Variants in HMCN1 observed in about 807,000 individuals in gnomAD.
HMCN1 encodes hemicentin 1, also known as hemicentin-1.
In HMCN1, 321 loss-of-function variants were observed where a neutral mutation model predicts 625.9. The ratio of observed to expected loss-of-function variants is 0.51; its 90% confidence interval spans 0.47 to 0.56. HMCN1 has a LOEUF of 0.56. HMCN1 is among the 20% of genes least tolerant of loss of function. HMCN1 has a pLI of 0.00. For synonymous variants in HMCN1, 2,425 were observed against 2,417.6 expected, an observed-to-expected ratio of 1.00 and a Z score of -0.09; for missense variants, 6,588 against 6,887.3, an observed-to-expected ratio of 0.96 and a Z score of 1.54.
At chr1:185,953,171 C>G (rs1420881733) in intron 11 of HMCN1, among the ~76,000 whole-genome samples, 1 of 150,958 alleles carries the variant, frequency 6.6e-6, no homozygotes, top group South Asian at 2.1e-4. Flanking sequence ...GCCCCTCCCC[C>G]CAGAAAAGCA....
At chr1:186,034,778 G>A (rs942120072) in intron 36 of HMCN1, among the ~76,000 whole-genome samples, 1 of 152,086 alleles carries the variant, frequency 6.6e-6, no homozygotes, top group Non-Finnish European at 1.5e-5. Context: ...TTGGATTTTT[G>A]CAAGTCTTTG....
In HMCN1 at chr1:186,125,726, C is replaced by A; in HGVS notation, c.12622C>A (p.Leu4208Ile). ...AATTAACTGGAAAAAAGACAATGTT[C>A]TTTTAGCTAACTTGTTAGGAAAATA... ...PAINWKKDNV[L>I]LANLLGKYTA... Residue 4208 changes from leucine to isoleucine, a missense_variant, in exon 82 of 107, where the codon CTT becomes ATT. Around this residue, in one of 3 missense-constraint regions of HMCN1, gnomAD observed 1,954 missense variants for 2,013.1 expected, o/e 0.97. Coordinates refer to ENST00000271588, the MANE Select transcript of HMCN1 (RefSeq NM_031935.3). 6.2e-7 allele frequency: 1 copy of A among 1,613,302 alleles called. No individual in the cohort carries two copies. The highest frequency in any genetic ancestry group is 8.5e-7 in the Non-Finnish European group (1 of 1,179,414).
At chr1:185,913,377 T>C (rs1295663325) in intron 6 of HMCN1, among the ~76,000 whole-genome samples, 1 of 152,190 alleles carries the variant, frequency 6.6e-6, no homozygotes, top group Non-Finnish European at 1.5e-5. Context: ...TTTTATGTAA[T>C]GGTTATTTTG....
chr1:186,085,212 G>A (rs1659398299), intron 57 of HMCN1, among the ~76,000 whole-genome samples: 1 of 152,108 alleles, frequency 6.6e-6, no homozygotes, highest in Non-Finnish European at 1.5e-5. Context: ...AAAATATCAA[G>A]TGGCCACTGT....
At chr1:186,094,187 A>G (rs1660001440) in intron 66 of HMCN1, 89 bp from the exon 67 acceptor site, 2 of 1,018,052 alleles carry the variant, frequency 2.0e-6, no homozygotes, top group African/African-American at 3.2e-5. Context: ...ATAAATCACC[A>G]CCTATAGCCT....
chr1:185,851,029 AC>A (rs1202561379), intron 2 of HMCN1, among the ~76,000 whole-genome samples: 2 of 152,148 alleles, frequency 1.3e-5, no homozygotes, highest in Non-Finnish European at 2.9e-5. Context: ...TTAACACTAA[AC>A]TAAAGGATAT....
chr1:186,068,039 A>T lies in HMCN1; in HGVS notation c.7879+32A>T, dbSNP rs772832906. On this transcript the variant is annotated intron_variant, in intron 50 of 106. Coordinates refer to ENST00000271588, the MANE Select transcript of HMCN1 (RefSeq NM_031935.3). ...CATTTGCTTCAGATGTCCAAGATGC[A>T]TCTGCGTCATCTACTATTCTAGAAA... is the stretch of plus-strand genomic sequence containing the variant. 15 of 1,531,622 alleles carry T rather than the reference A, an allele frequency of 9.8e-6. No homozygotes were observed. In the Admixed American group the frequency reaches 2.3e-4, roughly 24 times the overall value. 94.9% of individuals were successfully genotyped at this position (1,531,622 alleles called of 1,614,324 possible).
chr1:185,835,380 T>C (rs1024802308), intron 1 of HMCN1, among the ~76,000 whole-genome samples: 1 of 151,826 alleles, frequency 6.6e-6, no homozygotes, highest in Non-Finnish European at 1.5e-5. Context: ...TTGGTATTTG[T>C]GTAGAGACAC....
Position 186,119,193 on chromosome 1 carries a change from G to A in HMCN1, c.11851G>A (p.Ala3951Thr), listed in dbSNP as rs776556732. The A allele has an allele frequency of 1.9e-6, 3 of 1,609,922 alleles. No individual in the cohort carries two copies. Among genetic ancestry groups the A allele is most frequent in the African/African-American group, 1.3e-5 (1 of 74,766 alleles). Residue 3951 changes from alanine to threonine, a missense_variant and splice_region_variant, in exon 78 of 107, where the codon GCA becomes ACA. Ala to Thr is a moderately conservative substitution (Grantham distance 58). Around this residue, in one of 3 missense-constraint regions of HMCN1, gnomAD observed 4,628 missense variants for 4,853.1 expected, o/e 0.95. Transcript: ENST00000271588. The stretch of plus-strand genomic sequence containing the variant: ...AAAACATTTTTTTTCATTTTTAGGA[G>A]CAATTGAAATACTTGCCACCCAATT... ...GDGYRILSSG[A>T]IEILATQLNH...
chr1:185,911,826 G>T (rs1179725200), intron 6 of HMCN1, 46 bp downstream of exon 6: 1 of 1,407,188 alleles, frequency 7.1e-7, no homozygotes, highest in East Asian at 2.3e-5. Context: ...TTTTGAAGTT[G>T]GCATTTTTCA....
At chr1:186,185,036 G>A (rs1447097017) in intron 105 of HMCN1, among the ~76,000 whole-genome samples, 1 of 151,984 alleles carries the variant, frequency 6.6e-6, no homozygotes, top group Non-Finnish European at 1.5e-5. Flanking sequence ...ACAGAAGAGG[G>A]CCACCTGCCC....
At position 185,983,023 on chromosome 1, in the gene HMCN1, T is replaced by A. The variant is rs1276648208; in HGVS notation, c.2790+634T>A. Among the ~76,000 whole-genome samples the A allele has an allele frequency of 2.6e-5, 4 of 152,112 alleles. No homozygotes were observed. The East Asian group carries it at 7.7e-4, about 29-fold the overall frequency. On this transcript the variant is annotated intron_variant, in intron 18 of 106. Coordinates refer to ENST00000271588, the MANE Select transcript of HMCN1 (RefSeq NM_031935.3). ...TCATAGTACTTAAATATTTTTGTGC[T>A]CTTCTTTGTAGTACATTGTTAAACG...
intron 9 of HMCN1, among the ~76,000 whole-genome samples, chr1:185,925,917 G>A (rs114356868): frequency 7.9e-4 from 120 of 152,322 alleles, no homozygotes; most frequent in African/African-American, 2.6e-3. Context: ...GAGCAGAGAA[G>A]GTCAGAGAGG....
intron 96 of HMCN1, 56 bp downstream of exon 96, chr1:186,152,927 G>A (rs1211770985): frequency 1.2e-6 from 2 of 1,605,560 alleles, no homozygotes; most frequent in African/African-American, 1.3e-5. Context: ...ATGAGTGAAA[G>A]GTCCATAGAA....
At chr1:185,735,655 C>T (rs895379614) in intron 1 of HMCN1, among the ~76,000 whole-genome samples, 4 of 152,196 alleles carry the variant, frequency 2.6e-5, no homozygotes, top group Non-Finnish European at 4.4e-5. Context: ...ACATCCATGT[C>T]TCCTGCGGTA....
chr1:185,810,328 AGATT>A (rs1233992302), intron 1 of HMCN1, among the ~76,000 whole-genome samples: 2 of 152,110 alleles, frequency 1.3e-5, no homozygotes, highest in African/African-American at 4.8e-5. Context: ...CCCTGGGAAG[AGATT>A]GAAGTGAAAC....
At chr1:185,838,164 C>T (rs962450894) in intron 1 of HMCN1, among the ~76,000 whole-genome samples, 1 of 152,158 alleles carries the variant, frequency 6.6e-6, no homozygotes, top group Non-Finnish European at 1.5e-5. Context: ...TTCCCCTTCC[C>T]ACCAGCACAA....
In HMCN1 at chr1:186,086,381, T is replaced by C. The variant is rs1430365051; in HGVS notation, c.9020T>C (p.Leu3007Pro). Residue 3007 changes from leucine (L) to proline (P), a missense_variant, in exon 58 of 107, where the codon CTG becomes CCG. Physicochemically the swap from Leu to Pro is moderately conservative, Grantham distance 98 (BLOSUM62 -3). Coordinates refer to ENST00000271588, the MANE Select transcript of HMCN1 (RefSeq NM_031935.3). The part of the protein sequence containing the change: ...SWLKNEQPIK[L>P]NTNTLIVPGG... ...CTCAAGAATGAACAGCCCATCAAAC[T>C]GAACACAAATACTCTCATTGTGCCT... is the stretch of plus-strand genomic sequence containing the variant. 6.2e-7 allele frequency: 1 copy of C among 1,613,126 alleles called. No individual in the cohort carries two copies. The highest frequency in any genetic ancestry group is 8.5e-7 in the Non-Finnish European group (1 of 1,179,506).
chr1:186,082,981 ACCAT>A lies in HMCN1; in HGVS notation c.8884+22_8884+25del. 1 of 1,438,196 alleles carries A rather than the reference ACCAT, an allele frequency of 7.0e-7. No homozygotes were observed. The highest frequency in any genetic ancestry group is 9.7e-7 in the Non-Finnish European group (1 of 1,033,444). The allele number at this position is 1,438,196 out of a possible 1,614,324, so 89.1% of individuals were successfully genotyped here. A position where few individuals can be genotyped will look rare whatever the true frequency, so the allele number is the denominator to read the frequency against. On this transcript the variant is annotated intron_variant, in intron 57 of 106. Transcript: ENST00000271588. ...TTCATGGTAAGAGCTCAGTTCCAAAACCATCTGTTAGGGTATGCTTGGAAAAGCA... is the reference window on the plus strand; with the variant it reads ...TTCATGGTAAGAGCTCAGTTCCAAAACTGTTAGGGTATGCTTGGAAAAGCA...
Sources: gnomAD v4.1 joint callset for allele counts (sites outside exome capture counted in the v4.1 genomes callset) on GRCh38, gnomAD v4.1.1 for gene constraint, gnomAD v4.1.1 regional missense constraint, MANE v1.5 for transcripts, NCBI Gene and HGNC (gene_info 2026-07-23, HGNC 2026-07-21) for gene names.